The following AGBL4 variants were observed in gnomAD, a reference collection of about 807,000 sequenced individuals.
The protein encoded by AGBL4 is cytosolic carboxypeptidase 6.
Under a neutral mutation model 66.4 loss-of-function variants are expected in AGBL4, and 58 were observed. The ratio of observed to expected loss-of-function variants is 0.87; its 90% CI spans 0.71 to 1.09. The LOEUF (loss-of-function observed/expected upper bound fraction) is 1.09. AGBL4 is among the 50% of genes least tolerant of loss of function. The pLI, the probability that AGBL4 is intolerant of heterozygous loss-of-function variation, is 0.00. For synonymous variants in AGBL4, 234 were observed against 222.9 expected, an observed-to-expected ratio of 1.05 and a Z score of -0.44; for missense variants, 579 against 631.0, an observed-to-expected ratio of 0.92 and a Z score of 0.88.
At chr1:49,452,157 T>C (rs1489662639) in intron 3 of AGBL4, among the ~76,000 whole-genome samples, 2 of 151,816 alleles carry the variant, frequency 1.3e-5, no homozygotes, top group Non-Finnish European at 2.9e-5. Flanking sequence ...ATTAAAACGT[T>C]CGGATTTCTC....
intron 2 of AGBL4, chr1:49,841,804 A>G: frequency 2.9e-6 from 1 of 344,344 alleles, no homozygotes; most frequent in African/African-American, 2.2e-5. Flanking sequence ...TGTGATAAAA[A>G]AAAAAAAAAA....
At chr1:49,500,033 T>C (rs1016446857) in intron 3 of AGBL4, among the ~76,000 whole-genome samples, 2 of 152,002 alleles carry the variant, frequency 1.3e-5, no homozygotes, top group African/African-American at 4.8e-5. Flanking sequence ...CACGTCAACA[T>C]CTATTATTTT....
At chr1:49,302,253 T>C (rs896657879) in intron 3 of AGBL4, among the ~76,000 whole-genome samples, 5 of 151,638 alleles carry the variant, frequency 3.3e-5, no homozygotes, top group Admixed American at 6.6e-5. Context: ...TTCTTTCACA[T>C]GCACTTTTTT....
chr1:49,074,603 G>A (rs1359570143), intron 4 of AGBL4, among the ~76,000 whole-genome samples: 1 of 152,024 alleles, frequency 6.6e-6, no homozygotes, highest in Non-Finnish European at 1.5e-5. Flanking sequence ...AGTAATCTTG[G>A]GACATAATAA....
intron 9 of AGBL4, among the ~76,000 whole-genome samples, chr1:48,619,510 AT>A (rs1645373756): frequency 6.6e-6 from 1 of 152,044 alleles, no homozygotes; most frequent in Admixed American, 6.5e-5. Context: ...AAATATCAGC[AT>A]TTTCCCCCTT....
intron 2 of AGBL4, among the ~76,000 whole-genome samples, chr1:49,826,736 T>A (rs1486907799): frequency 6.6e-6 from 1 of 152,230 alleles, no homozygotes; most frequent in East Asian, 1.9e-4. Flanking sequence ...TTGTCATTTA[T>A]TCATTTATCC....
At chr1:49,437,995 C>T (rs1411391693) in intron 3 of AGBL4, among the ~76,000 whole-genome samples, 2 of 152,098 alleles carry the variant, frequency 1.3e-5, no homozygotes, top group Non-Finnish European at 2.9e-5. Context: ...TACTACTTTT[C>T]CATGTTTTCA....
At chr1:48,792,287 C>G (rs925327947) in intron 6 of AGBL4, among the ~76,000 whole-genome samples, 1 of 151,936 alleles carries the variant, frequency 6.6e-6, no homozygotes, top group Non-Finnish European at 1.5e-5. Flanking sequence ...AGGATTCTAC[C>G]CAGAATCTCA....
chr1:49,916,026 G>A lies in AGBL4; in HGVS notation c.35-64508C>T, dbSNP rs763761714. Among the ~76,000 whole-genome samples, 3 of 152,288 alleles carry A rather than the reference G, an allele frequency of 2.0e-5. No homozygotes were observed. The South Asian group carries it at 6.2e-4, about 32-fold the overall frequency. Reference sequence around the variant, plus strand: ...CAACAGACCTTCAGCTGAGGGACCTGATTGTTAGAAGGAAAACTAACAAAC... The same window carrying A: ...CAACAGACCTTCAGCTGAGGGACCTAATTGTTAGAAGGAAAACTAACAAAC... On this transcript the variant is annotated intron_variant, in intron 1 of 13. Coordinates refer to ENST00000371839, the MANE Select transcript of AGBL4 (RefSeq NM_032785.4).
intron 2 of AGBL4, among the ~76,000 whole-genome samples, chr1:49,841,064 T>C (rs1477876690): frequency 6.6e-6 from 1 of 152,224 alleles, no homozygotes; most frequent in Non-Finnish European, 1.5e-5. Context: ...AATTAAACTA[T>C]GTTTTGTCAC....
chr1:49,915,445 C>A (rs1379483917), intron 1 of AGBL4, among the ~76,000 whole-genome samples: 2 of 152,170 alleles, frequency 1.3e-5, no homozygotes, highest in African/African-American at 4.8e-5. Flanking sequence ...ATATCCCGCG[C>A]CTGGCTTGGA....
rs1237555031 is a variant in AGBL4 at position 49,284,396 on chromosome 1, C to T, written c.283-38532G>A. Among the ~76,000 whole-genome samples the T allele has an allele frequency of 5.3e-5, 8 of 152,080 alleles. No homozygotes were observed. The East Asian group carries it at 5.8e-4, about 11-fold the overall frequency. Reference sequence around the variant, plus strand: ...AGCGCTAAACAGGGAAAGGAACAACCGGTACCAGCCACTGCAAAATCATGC... The same window carrying T: ...AGCGCTAAACAGGGAAAGGAACAACTGGTACCAGCCACTGCAAAATCATGC... On this transcript the variant is annotated intron_variant, in intron 3 of 13. Transcript: ENST00000371839.
intron 2 of AGBL4, among the ~76,000 whole-genome samples, chr1:49,717,136 G>C (rs1648211200): frequency 6.6e-6 from 1 of 152,032 alleles, no homozygotes; most frequent in Non-Finnish European, 1.5e-5. Flanking sequence ...ACCATTAATA[G>C]ACAAACAGAG....
At chr1:49,517,324 A>G (rs1253401139) in intron 3 of AGBL4, among the ~76,000 whole-genome samples, 1 of 151,928 alleles carries the variant, frequency 6.6e-6, no homozygotes, top group Non-Finnish European at 1.5e-5. Flanking sequence ...AGGACAAAAA[A>G]AAAATCAGTA....
chr1:48,817,563 C>T (rs900688906), intron 6 of AGBL4: 1 of 156,928 alleles, frequency 6.4e-6, no homozygotes, highest in African/African-American at 2.4e-5. Flanking sequence ...AGTATTAATC[C>T]TGTGGGTATC....
chr1:49,957,593 G>C (rs1049056422), intron 1 of AGBL4, among the ~76,000 whole-genome samples: 4 of 151,914 alleles, frequency 2.6e-5, no homozygotes, highest in Non-Finnish European at 5.9e-5. Flanking sequence ...TTGTTGAATT[G>C]ATCCCTTTAC....
intron 6 of AGBL4, among the ~76,000 whole-genome samples, chr1:48,851,749 C>G (rs1226414317): frequency 6.6e-6 from 1 of 151,982 alleles, no homozygotes; most frequent in Non-Finnish European, 1.5e-5. Flanking sequence ...TTGGGCTGAT[C>G]CTCCCTCATT....
chr1:49,836,904 G>A (rs904034959), intron 2 of AGBL4, among the ~76,000 whole-genome samples: 5 of 152,156 alleles, frequency 3.3e-5, no homozygotes, highest in South Asian at 2.1e-4. Flanking sequence ...TATCACCAGC[G>A]GAGGCTGCAG....
intron 5 of AGBL4, among the ~76,000 whole-genome samples, chr1:48,970,067 A>T (rs1160726768): frequency 6.6e-6 from 1 of 152,200 alleles, no homozygotes; most frequent in African/African-American, 2.4e-5. Context: ...ATTGAAAATG[A>T]CAGAGTTAGG....
Sources: gnomAD v4.1 joint callset for allele counts (sites outside exome capture counted in the v4.1 genomes callset) on GRCh38, gnomAD v4.1.1 for gene constraint, MANE v1.5 for transcripts, NCBI Gene and HGNC (gene_info 2026-07-23, HGNC 2026-07-21) for gene names.